RAPGEF5: variants seen among roughly 807,000 people sequenced by gnomAD.
RAPGEF5 encodes M-Ras-regulated GEF.
A neutral mutation model predicts 125.2 loss-of-function variants in RAPGEF5; 65 were observed. The observed-to-expected ratio is 0.52, with a 90% confidence interval of 0.43 to 0.64. RAPGEF5 has a LOEUF of 0.64. Among genes scored for constraint, RAPGEF5 ranks in the 30% least tolerant of loss-of-function variants. The pLI is 0.00. For synonymous variants in RAPGEF5, 391 were observed against 385.9 expected (o/e 1.01, Z -0.16); for missense variants, 958 against 1,048.1 (o/e 0.91, Z 1.19).
At chr7:22,127,873 A>G (rs1782798235) in intron 24 of RAPGEF5, among the ~76,000 whole-genome samples, 1 of 152,232 alleles carries the variant, frequency 6.6e-6, no homozygotes. Flanking sequence ...TCATAACCGT[A>G]TTTCTAATGC....
chr7:22,308,080 T>G (rs950105297), intron 5 of RAPGEF5, among the ~76,000 whole-genome samples: 8 of 152,200 alleles, frequency 5.3e-5, no homozygotes, highest in African/African-American at 1.4e-4. Flanking sequence ...GATCATCTAC[T>G]CCTATAACAA....
chr7:22,251,401 A>G (rs917531824), intron 7 of RAPGEF5, among the ~76,000 whole-genome samples: 1 of 152,200 alleles, frequency 6.6e-6, no homozygotes, highest in Non-Finnish European at 1.5e-5. Flanking sequence ...AATTAGCATA[A>G]TGGCCTCTTG....
At chr7:22,234,593 T>A (rs1276742847) in intron 7 of RAPGEF5, among the ~76,000 whole-genome samples, 1 of 152,198 alleles carries the variant, frequency 6.6e-6, no homozygotes. Flanking sequence ...GTGGTGAGCA[T>A]TAGTGCCCAC....
chr7:22,263,249 C>G (rs1331758546), intron 7 of RAPGEF5, among the ~76,000 whole-genome samples: 2 of 152,056 alleles, frequency 1.3e-5, no homozygotes, highest in East Asian at 3.8e-4. Context: ...GTTGTGATAC[C>G]ATACTGTAGT....
chr7:22,342,187 C>T (rs1360464778), intron 1 of RAPGEF5, among the ~76,000 whole-genome samples: 3 of 152,248 alleles, frequency 2.0e-5, no homozygotes, highest in African/African-American at 7.2e-5. Context: ...AAGCTTGGAG[C>T]TTCCACCCTC....
chr7:22,248,038 C>T (rs1786524341), intron 7 of RAPGEF5, among the ~76,000 whole-genome samples: 3 of 152,152 alleles, frequency 2.0e-5, no homozygotes, highest in African/African-American at 7.2e-5. Context: ...ACCTGGGTGA[C>T]GGGATCATGC....
rs548037035 is a variant in RAPGEF5 at position 22,346,657 on chromosome 7, T to A, written c.231+10173A>T. ...ATGATTTGACAAGGTCAAATTCAAC[T>A]GAACAACAAAACCACCAATGGACTG... is the stretch of plus-strand genomic sequence containing the variant. On this transcript the variant is annotated intron_variant, in intron 1 of 25. Transcript: ENST00000665637. 2.6e-5 allele frequency among the ~76,000 whole-genome samples: 4 copies of A among 152,284 alleles called. No homozygotes were observed. The South Asian group carries it at 8.3e-4, about 32-fold the overall frequency.
intron 7 of RAPGEF5, among the ~76,000 whole-genome samples, chr7:22,240,680 C>CA (rs1786308879): frequency 1.3e-5 from 2 of 151,466 alleles, no homozygotes; most frequent in South Asian, 4.2e-4. Context: ...GCCAGCTTTA[C>CA]TTTTTTTTTG....
intron 8 of RAPGEF5, among the ~76,000 whole-genome samples, chr7:22,226,307 C>T (rs1050186120): frequency 6.6e-6 from 1 of 152,020 alleles, no homozygotes; most frequent in Admixed American, 6.6e-5. Flanking sequence ...CCTAGAAGTT[C>T]ATATAATTTT....
chr7:22,219,754 C>G, intron 9 of RAPGEF5, 112 bp downstream of exon 9: 1 of 1,390,400 alleles, frequency 7.2e-7, no homozygotes, highest in Non-Finnish European at 9.5e-7. Flanking sequence ...GGGAAAAAAA[C>G]CCCCAAAACC....
At chr7:22,305,688 C>T (rs1461463091) in intron 5 of RAPGEF5, among the ~76,000 whole-genome samples, 1 of 152,136 alleles carries the variant, frequency 6.6e-6, no homozygotes, top group African/African-American at 2.4e-5. Flanking sequence ...CATTAACCAT[C>T]CACACCTCCC....
intron 5 of RAPGEF5, among the ~76,000 whole-genome samples, chr7:22,291,685 C>T (rs1157191011): frequency 6.6e-6 from 1 of 152,124 alleles, no homozygotes; most frequent in African/African-American, 2.4e-5. Flanking sequence ...TACTATAAAA[C>T]GGTATTATTA....
chr7:22,206,951 A>G (rs1785411750), intron 9 of RAPGEF5, among the ~76,000 whole-genome samples: 1 of 152,212 alleles, frequency 6.6e-6, no homozygotes, highest in Admixed American at 6.5e-5. Flanking sequence ...ATCAATAAGA[A>G]AATTTCAGTG....
chr7:22,355,497 C>A (rs34138486), intron 1 of RAPGEF5, among the ~76,000 whole-genome samples: 26,893 of 152,144 alleles, frequency 0.18, 2,564 homozygotes, highest in Non-Finnish European at 0.21. Context: ...TATTCCGACA[C>A]CACATCTTGG....
chr7:22,160,275 G>A (rs1407276976), intron 14 of RAPGEF5, among the ~76,000 whole-genome samples: 2 of 152,074 alleles, frequency 1.3e-5, no homozygotes, highest in Admixed American at 6.5e-5. Context: ...GGTTGTTATG[G>A]CCCAGGTTAT....
At chr7:22,286,549 G>C (rs1221341374) in intron 6 of RAPGEF5, among the ~76,000 whole-genome samples, 1 of 152,166 alleles carries the variant, frequency 6.6e-6, no homozygotes, top group African/African-American at 2.4e-5. Flanking sequence ...ATATGAGATG[G>C]AAGTCTAGAA....
intron 1 of RAPGEF5, chr7:22,356,336 C>A: frequency 1.2e-6 from 1 of 849,278 alleles, no homozygotes; most frequent in Non-Finnish European, 1.4e-6. Flanking sequence ...CTTCCGACTC[C>A]TGGGTCTGCC....
At chr7:22,128,524 T>C (rs1353372126) in intron 24 of RAPGEF5, among the ~76,000 whole-genome samples, 1 of 152,234 alleles carries the variant, frequency 6.6e-6, no homozygotes, top group Non-Finnish European at 1.5e-5. Context: ...GATGATCCTG[T>C]TTTACCTTTA....
chr7:22,213,759 T>G (rs528646233), intron 9 of RAPGEF5, among the ~76,000 whole-genome samples: 1 of 152,360 alleles, frequency 6.6e-6, no homozygotes, highest in South Asian at 2.1e-4. Flanking sequence ...TGACTTTCAA[T>G]TCTATTACAG....
Sources: gnomAD v4.1 joint callset for allele counts (sites outside exome capture counted in the v4.1 genomes callset) on GRCh38, gnomAD v4.1.1 for gene constraint, MANE v1.5 for transcripts, NCBI Gene and HGNC (gene_info 2026-07-23, HGNC 2026-07-21) for gene names.